Variants in ECT2L observed in about 807,000 individuals in gnomAD.
ECT2L encodes epithelial cell transforming 2 like.
A neutral mutation model predicts 122.8 loss-of-function variants in ECT2L; 126 were observed. The ratio of observed to expected loss-of-function variants is 1.03; its 90% CI spans 0.89 to 1.19. The LOEUF (loss-of-function observed/expected upper bound fraction) is 1.19. Ranked by LOEUF, ECT2L falls within the 50% of genes most tolerant of loss-of-function variation. The pLI is 0.00. For synonymous variants in ECT2L, 385 were observed against 381.8 expected (o/e 1.01, Z -0.10); for missense variants, 1,012 against 1,064.1 (o/e 0.95, Z 0.68).
chr6:138,876,365 T>C lies in ECT2L; in HGVS notation c.1579-107T>C, dbSNP rs1778450079. On this transcript the variant is annotated intron_variant, in intron 13 of 21. Transcript: ENST00000541398. ...TCATTGTGTGTAGGGAACACTGTGG[T>C]TGGGGCTGAAGGCAGAGGCTTCTGA... 4.4e-6 allele frequency: 3 copies of C among 688,636 alleles called. No individual in the cohort carries two copies. In the South Asian group the frequency reaches 5.5e-5, roughly 13 times the overall value. The allele number at this position is 688,636 out of a possible 1,614,324, so 42.7% of individuals were successfully genotyped here.
chr6:138,882,533 A>C (rs1363216110), intron 15 of ECT2L, among the ~76,000 whole-genome samples, 191 bp from the exon 16 acceptor site: 18 of 152,208 alleles, frequency 1.2e-4, no homozygotes, highest in Admixed American at 1.2e-3. Flanking sequence ...CACCCCGGCC[A>C]ACCTACTCCT....
intron 9 of ECT2L, 32 bp from the exon 10 acceptor site, chr6:138,853,994 G>A (rs757613141): frequency 1.2e-6 from 2 of 1,605,848 alleles, no homozygotes; most frequent in South Asian, 2.2e-5. Context: ...TATGTTACAA[G>A]CTAATATGAC....
intron 4 of ECT2L, among the ~76,000 whole-genome samples, chr6:138,826,735 A>T (rs1776466353): frequency 6.6e-6 from 1 of 152,110 alleles, no homozygotes; most frequent in South Asian, 2.1e-4. Flanking sequence ...GTTGACTTGT[A>T]ATCCCCAATA....
chr6:138,848,155 C>G (rs538702953), intron 8 of ECT2L, among the ~76,000 whole-genome samples: 1 of 152,198 alleles, frequency 6.6e-6, no homozygotes, highest in South Asian at 2.1e-4. Flanking sequence ...CCTCGACACA[C>G]AGGGATTATG....
At chr6:138,878,807 T>A (rs962634058) in intron 14 of ECT2L, 1 of 152,312 alleles carries the variant, frequency 6.6e-6, no homozygotes, top group Admixed American at 6.5e-5. Context: ...GTTGATGGTA[T>A]ACCATTAGCC....
intron 18 of ECT2L, among the ~76,000 whole-genome samples, chr6:138,886,287 T>C (rs925503077): frequency 1.3e-5 from 2 of 152,232 alleles, no homozygotes; most frequent in Non-Finnish European, 2.9e-5. Context: ...ATATTGTGCA[T>C]ACTGTAAACA....
At chr6:138,801,035 T>C (rs368143904) in intron 1 of ECT2L, among the ~76,000 whole-genome samples, 1 of 152,134 alleles carries the variant, frequency 6.6e-6, no homozygotes, top group African/African-American at 2.4e-5. Flanking sequence ...AGGGTCTGAA[T>C]TCCAGTTCAC....
rs529447119 is a variant in ECT2L, at chr6:138,865,167, G to A, written c.1463G>A (p.Gly488Asp). 4.3e-6 allele frequency: 7 copies of A among 1,610,334 alleles called. No individual in the cohort carries two copies. In the South Asian group the frequency reaches 5.5e-5, roughly 13 times the overall value. Residue 488 changes from glycine (G) to aspartate (D), a missense_variant, in exon 12 of 22, where the codon GGC becomes GAC. Gly to Asp is a moderately conservative substitution (Grantham distance 94). Transcript: ENST00000541398. ...AAGGAACTGCAGAAGAGCATCAGTG[G>A]CAGGATGATAGGTAAGCAGTCTTGC... is the stretch of plus-strand genomic sequence containing the variant. ...FFKELQKSIS[G>D]RMIGQFMFDT...
intron 20 of ECT2L, among the ~76,000 whole-genome samples, chr6:138,899,884 C>T (rs1382000523): frequency 1.3e-5 from 2 of 152,194 alleles, no homozygotes; most frequent in Non-Finnish European, 2.9e-5. Flanking sequence ...CCACTCACTG[C>T]TCGGCTAGAA....
chr6:138,868,020 G>C, intron 12 of ECT2L, 83 bp from the exon 13 acceptor site: 3 of 355,018 alleles, frequency 8.5e-6, no homozygotes, highest in South Asian at 4.6e-5. Flanking sequence ...AAAAAAAAAA[G>C]AAACTGTGAG....
chr6:138,869,942 G>A (rs527763239), intron 13 of ECT2L, among the ~76,000 whole-genome samples: 4 of 152,226 alleles, frequency 2.6e-5, no homozygotes, highest in Non-Finnish European at 2.9e-5. Flanking sequence ...GTCTTAACTG[G>A]ATTGTGACAA....
chr6:138,841,813 T>C (rs1285720605), intron 5 of ECT2L, among the ~76,000 whole-genome samples: 1 of 152,236 alleles, frequency 6.6e-6, no homozygotes, highest in Non-Finnish European at 1.5e-5. Context: ...AATAATTGTT[T>C]GTATAATATT....
At chr6:138,885,481 T>G (rs1465702218) in intron 16 of ECT2L, 25 bp from the exon 17 acceptor site, 1 of 1,611,958 alleles carries the variant, frequency 6.2e-7, no homozygotes, top group Admixed American at 1.7e-5. Context: ...CATAAAGTTT[T>G]GACAATATAA....
chr6:138,901,219 T>C (rs533087021), intron 21 of ECT2L, 99 bp downstream of exon 21: 2 of 1,273,792 alleles, frequency 1.6e-6, no homozygotes, highest in Non-Finnish European at 1.1e-6. Flanking sequence ...GAATTATAAT[T>C]TACCAGGTTG....
chr6:138,849,743 A>AT (rs1437967924), intron 9 of ECT2L, among the ~76,000 whole-genome samples: 2 of 151,588 alleles, frequency 1.3e-5, no homozygotes, highest in African/African-American at 4.8e-5. Context: ...TAATTTTTGT[A>AT]TTTTTTGTAG....
rs1196877327 is a variant in ECT2L at position 138,875,561 on chromosome 6, C to A, written c.1579-911C>A. Among the ~76,000 whole-genome samples the A allele has an allele frequency of 2.0e-5, 3 of 152,144 alleles. No individual in the cohort carries two copies. The East Asian group carries it at 5.8e-4, about 29-fold the overall frequency. On this transcript the variant is annotated intron_variant, in intron 13 of 21. Coordinates refer to ENST00000541398, the MANE Select transcript of ECT2L (RefSeq NM_001077706.3). ...AGGGTAGACCCTGGGGTACTGCAGG[C>A]AGCAGGGGTGGGGGTGGAGGGCTTT... is the stretch of plus-strand genomic sequence containing the variant.
chr6:138,865,400 A>G (rs778278979), intron 12 of ECT2L, among the ~76,000 whole-genome samples: 2 of 152,156 alleles, frequency 1.3e-5, no homozygotes, highest in Non-Finnish European at 2.9e-5. Flanking sequence ...TTATTTTAAC[A>G]TTTTACCACC....
At chr6:138,892,937 TAC>T (rs1332802200) in intron 20 of ECT2L, among the ~76,000 whole-genome samples, 1 of 152,228 alleles carries the variant, frequency 6.6e-6, no homozygotes, top group Non-Finnish European at 1.5e-5. Context: ...CATCAGAGGC[TAC>T]AGTTTTCTCC....
At chr6:138,815,062 G>A (rs537236382) in intron 4 of ECT2L, among the ~76,000 whole-genome samples, 3 of 152,288 alleles carry the variant, frequency 2.0e-5, no homozygotes, top group African/African-American at 7.2e-5. Flanking sequence ...GGATTACGAA[G>A]AGGGTTCTCT....
Sources: allele counts gnomAD v4.1 joint callset (sites outside exome capture counted in the v4.1 genomes callset), GRCh38; gene constraint gnomAD v4.1.1; transcripts MANE v1.5; gene names NCBI Gene and HGNC (gene_info 2026-07-23, HGNC 2026-07-21).